ZNF385D: variants seen among roughly 807,000 people sequenced by gnomAD.
ZNF385D encodes zinc finger protein 385D, also known as zinc finger protein 659.
In ZNF385D, 15 loss-of-function variants were observed where a neutral mutation model predicts 35.8. That is an observed-to-expected ratio of 0.42 (90% CI 0.28 to 0.64). The LOEUF (loss-of-function observed/expected upper bound fraction) is 0.64, where lower values mean the gene tolerates loss of function less well. ZNF385D is among the 30% of genes least tolerant of loss of function. The pLI is 0.23. For synonymous variants in ZNF385D, 212 were observed against 186.8 expected (o/e 1.13, Z -1.10); for missense variants, 474 against 494.6 (o/e 0.96, Z 0.39).
intron 2 of ZNF385D, among the ~76,000 whole-genome samples, chr3:22,278,976 G>A (rs764528490): frequency 5.9e-5 from 9 of 152,028 alleles, no homozygotes; most frequent in Non-Finnish European, 1.3e-4. Flanking sequence ...CCTCTTAGGC[G>A]GGTTACTAGA....
At chr3:21,610,777 C>CAAA (rs376368993) in intron 2 of ZNF385D, among the ~76,000 whole-genome samples, 2 of 148,146 alleles carry the variant, frequency 1.4e-5, no homozygotes, top group Non-Finnish European at 3.0e-5. Flanking sequence ...TCCGTCCCCC[C>CAAA]CAAAAAAAAA....
chr3:22,322,264 A>C (rs1258945496), intron 2 of ZNF385D, among the ~76,000 whole-genome samples: 1 of 152,186 alleles, frequency 6.6e-6, no homozygotes, highest in Admixed American at 6.5e-5. Context: ...TTTCCACAAA[A>C]ATTTTCTTCA....
At chr3:21,826,905 T>C (rs953202354) in intron 3 of ZNF385D, among the ~76,000 whole-genome samples, 10 of 151,456 alleles carry the variant, frequency 6.6e-5, no homozygotes, top group African/African-American at 2.4e-4. Flanking sequence ...GAAGGAACAG[T>C]GAAGAGTATG....
intron 2 of ZNF385D, among the ~76,000 whole-genome samples, chr3:22,326,522 C>A (rs1375966153): frequency 1.3e-5 from 2 of 152,020 alleles, no homozygotes; most frequent in Admixed American, 6.5e-5. Context: ...CACAGGATAC[C>A]ACAGGAGGCA....
intron 2 of ZNF385D, among the ~76,000 whole-genome samples, chr3:22,251,082 C>G (rs1263840304): frequency 2.0e-5 from 3 of 152,028 alleles, no homozygotes. Context: ...AACTACTGAG[C>G]CACTTGCAAT....
intron 3 of ZNF385D, among the ~76,000 whole-genome samples, chr3:22,166,685 A>G (rs1175871001): frequency 6.6e-6 from 1 of 152,288 alleles, no homozygotes. Flanking sequence ...GAACTTGAGT[A>G]AACTCATACC....
At chr3:22,172,351 T>A (rs1158243287) in intron 2 of ZNF385D, among the ~76,000 whole-genome samples, 1 of 152,238 alleles carries the variant, frequency 6.6e-6, no homozygotes, top group Non-Finnish European at 1.5e-5. Flanking sequence ...ATAATTAAAA[T>A]GTGGCACACA....
At chr3:21,690,597 CT>C (rs1178390592) in intron 1 of ZNF385D, among the ~76,000 whole-genome samples, 1 of 152,162 alleles carries the variant, frequency 6.6e-6, no homozygotes, top group African/African-American at 2.4e-5. Context: ...AGTCCTCTTT[CT>C]TTATCTTCCA....
At chr3:21,855,434 T>A (rs1217666629) in intron 3 of ZNF385D, among the ~76,000 whole-genome samples, 1 of 152,060 alleles carries the variant, frequency 6.6e-6, no homozygotes, top group Non-Finnish European at 1.5e-5. Flanking sequence ...GCCTCCACAT[T>A]TGCCCTCTTC....
At chr3:21,801,086 AT>A (rs2072378173) in intron 3 of ZNF385D, among the ~76,000 whole-genome samples, 1 of 152,110 alleles carries the variant, frequency 6.6e-6, no homozygotes, top group South Asian at 2.1e-4. Flanking sequence ...ATGGCCATGT[AT>A]TTTTCCCTTC....
chr3:21,816,415 G>T (rs991351352), intron 3 of ZNF385D, among the ~76,000 whole-genome samples: 7 of 152,140 alleles, frequency 4.6e-5, no homozygotes, highest in Admixed American at 2.6e-4. Context: ...TGACATGATT[G>T]TATATCTAGA....
At chr3:21,526,484 T>C (rs1458252161) in intron 3 of ZNF385D, among the ~76,000 whole-genome samples, 2 of 152,160 alleles carry the variant, frequency 1.3e-5, no homozygotes, top group African/African-American at 2.4e-5. Flanking sequence ...AATATATCTA[T>C]ATATACATTA....
intron 3 of ZNF385D, among the ~76,000 whole-genome samples, chr3:22,072,871 T>C (rs1368124895): frequency 1.3e-5 from 2 of 151,996 alleles, no homozygotes; most frequent in Non-Finnish European, 2.9e-5. Flanking sequence ...TTCCCTGAGC[T>C]TGTGCTGTTT....
chr3:22,104,974 A>C (rs933790531), intron 3 of ZNF385D, among the ~76,000 whole-genome samples: 2 of 152,030 alleles, frequency 1.3e-5, no homozygotes, highest in African/African-American at 4.8e-5. Flanking sequence ...CTTTACATTG[A>C]CCCAGTATTA....
chr3:21,771,608 T>A (rs1252026209), intron 3 of ZNF385D, among the ~76,000 whole-genome samples: 4 of 149,868 alleles, frequency 2.7e-5, no homozygotes, highest in African/African-American at 9.8e-5. Flanking sequence ...TGAAAAAAAA[T>A]CAAGAAAGTA....
rs2125237217 is a variant in ZNF385D, at chr3:22,197,893, TCAAA to T, written c.107-28862_107-28859del. 2.0e-5 allele frequency among the ~76,000 whole-genome samples: 3 copies of T among 152,232 alleles called. 1 individual carries two copies. The South Asian group carries it at 6.2e-4, about 32-fold the overall frequency. ...TGCTTTCCTTTATTGTGCTCAGACT[TCAAA>T]CAGCTTTTTGTTATCATTTTATGTA... On this transcript the variant is annotated intron_variant, in intron 2 of 5. Coordinates refer to the ZNF385D transcript ENST00000494108.
intron 2 of ZNF385D, among the ~76,000 whole-genome samples, chr3:22,236,846 G>T (rs1325368562): frequency 2.0e-5 from 3 of 152,150 alleles, no homozygotes; most frequent in African/African-American, 7.2e-5. Context: ...CTTAGTGAAT[G>T]TAGCATGGAT....
At chr3:22,134,200 T>C (rs1421071059) in intron 3 of ZNF385D, 6 of 152,098 alleles carry the variant, frequency 3.9e-5, no homozygotes, top group African/African-American at 1.4e-4. Context: ...AAATATTATA[T>C]AGGTTAGTTA....
At chr3:21,443,018 A>G (rs2125251298) in intron 4 of ZNF385D, among the ~76,000 whole-genome samples, 1 of 152,156 alleles carries the variant, frequency 6.6e-6, no homozygotes, top group East Asian at 1.9e-4. Context: ...ACAAAAATGT[A>G]TGTCTAAGCA....
Sources: allele counts gnomAD v4.1 joint callset (sites outside exome capture counted in the v4.1 genomes callset), GRCh38; gene constraint gnomAD v4.1.1; transcripts MANE v1.5; gene names NCBI Gene and HGNC (gene_info 2026-07-23, HGNC 2026-07-21).